REV1: variants seen among roughly 807,000 people sequenced by gnomAD.
REV1 encodes the protein translesion synthesis protein REV1.
REV1 carries 42 observed loss-of-function variants against 137.4 expected under a neutral mutation model. The ratio of observed to expected loss-of-function variants is 0.31; its 90% confidence interval spans 0.24 to 0.40. REV1 has a LOEUF of 0.40. Among genes scored for constraint, REV1 ranks in the 10% least tolerant of loss-of-function variants. The pLI, the probability that REV1 is intolerant of heterozygous loss-of-function variation, is 1.00. For synonymous variants in REV1, 524 were observed against 519.2 expected (o/e 1.01, Z -0.12); for missense variants, 1,282 against 1,490.1 (o/e 0.86, Z 2.30).
chr2:99,401,443 CAAAA>C (rs528664310), intron 22 of REV1, 91 bp from the exon 23 acceptor site: 54 of 568,588 alleles, frequency 9.5e-5, no homozygotes, highest in Non-Finnish European at 1.0e-4. Flanking sequence ...TTGACTTTGG[CAAAA>C]AAAAAAAAAA....
chr2:99,473,492 T>C (rs1171150216), intron 1 of REV1, among the ~76,000 whole-genome samples: 1 of 152,246 alleles, frequency 6.6e-6, no homozygotes, highest in East Asian at 1.9e-4. Flanking sequence ...TAGCGACTGA[T>C]TCTAAACCAA....
chr2:99,428,801 A>G (rs1012312699), intron 9 of REV1, among the ~76,000 whole-genome samples: 2 of 152,026 alleles, frequency 1.3e-5, no homozygotes, highest in Admixed American at 1.3e-4. Flanking sequence ...CATCCTGGCT[A>G]ACACGGTGAA....
intron 13 of REV1, among the ~76,000 whole-genome samples, chr2:99,412,240 A>G (rs1178206321): frequency 6.9e-6 from 1 of 143,946 alleles, no homozygotes; most frequent in Non-Finnish European, 1.5e-5. Context: ...CCTGGGCAAC[A>G]AAGTGAGACT....
chr2:99,410,555 ATG>A, intron 14 of REV1, 138 bp downstream of exon 14: 1 of 724,718 alleles, frequency 1.4e-6, no homozygotes, highest in South Asian at 2.1e-5. Flanking sequence ...CCTTGGGCTG[ATG>A]CCTGCTTCTA....
At chr2:99,474,033 AAAAGG>A (rs1168896308) in intron 1 of REV1, among the ~76,000 whole-genome samples, 4 of 152,238 alleles carry the variant, frequency 2.6e-5, no homozygotes, top group African/African-American at 9.6e-5. Flanking sequence ...CAGAAAACAG[AAAAGG>A]AAAGAATTAC....
Position 99,407,080 on chromosome 2 carries a change from C to CTTTTTTTTTTTTTTTTTTTT in REV1, c.2449-610_2449-591dup, listed in dbSNP as rs869170472. Among the ~76,000 whole-genome samples, 17 of 60,046 alleles carry CTTTTTTTTTTTTTTTTTTTT rather than the reference C, an allele frequency of 2.8e-4. 2 individuals carry two copies. Among genetic ancestry groups the CTTTTTTTTTTTTTTTTTTTT allele is most frequent in the Non-Finnish European group, 3.2e-4 (11 of 34,158 alleles). The allele number at this position is 60,046 out of a possible 152,430, so 39.4% of individuals were successfully genotyped here. On this transcript the variant is annotated intron_variant, in intron 15 of 22. Coordinates refer to ENST00000258428, the MANE Select transcript of REV1 (RefSeq NM_016316.4). ...ACATAAAACTAAACCTACAAAGGTT[C>CTTTTTTTTTTTTTTTTTTTT]TTTTTTTTTTTTTTTTTTTTTTTTT...
intron 12 of REV1, among the ~76,000 whole-genome samples, chr2:99,414,602 T>G (rs1002797856): frequency 6.6e-6 from 1 of 152,394 alleles, no homozygotes; most frequent in Admixed American, 6.5e-5. Flanking sequence ...GTAGACACTT[T>G]GCACAGCTAT....
At chr2:99,484,201 G>A (rs1686911820) in intron 1 of REV1, among the ~76,000 whole-genome samples, 1 of 152,134 alleles carries the variant, frequency 6.6e-6, no homozygotes, top group South Asian at 2.1e-4. Flanking sequence ...AAAGAAGGGA[G>A]CAATAGACAC....
At chr2:99,437,139 C>T (rs1680866362) in intron 6 of REV1, among the ~76,000 whole-genome samples, 1 of 151,760 alleles carries the variant, frequency 6.6e-6, no homozygotes, top group Non-Finnish European at 1.5e-5. Context: ...GCCACCACGC[C>T]CAGCTAATTT....
intron 13 of REV1, among the ~76,000 whole-genome samples, chr2:99,411,394 T>C (rs1284301538): frequency 6.6e-6 from 1 of 150,926 alleles, no homozygotes; most frequent in Non-Finnish European, 1.5e-5. Flanking sequence ...TTTTAAAAGA[T>C]ATTTTTCCTT....
intron 1 of REV1, among the ~76,000 whole-genome samples, chr2:99,485,518 T>C (rs995318126): frequency 2.6e-5 from 4 of 152,202 alleles, no homozygotes; most frequent in Non-Finnish European, 5.9e-5. Context: ...CTTCAAGGAC[T>C]TTCCTGTCTG....
intron 9 of REV1, 66 bp downstream of exon 9, chr2:99,429,774 A>G: frequency 2.0e-6 from 2 of 1,001,862 alleles, no homozygotes; most frequent in Non-Finnish European, 2.9e-6. Context: ...TTATAGTTCA[A>G]GAAATTATAT....
intron 5 of REV1, among the ~76,000 whole-genome samples, chr2:99,441,063 G>GA (rs1250449865): frequency 2.0e-5 from 3 of 151,928 alleles, no homozygotes; most frequent in African/African-American, 7.2e-5. Context: ...AGAAGATTTT[G>GA]AAAAAACATA....
At chr2:99,443,027 G>A (rs773067128) in intron 4 of REV1, among the ~76,000 whole-genome samples, 27 of 152,128 alleles carry the variant, frequency 1.8e-4, no homozygotes, top group Admixed American at 3.9e-4. Context: ...GTGTTCTAAC[G>A]CTAGGTGGTA....
chr2:99,481,661 G>GA (rs70940174), intron 1 of REV1, among the ~76,000 whole-genome samples: 1,992 of 152,012 alleles, frequency 0.013, 25 homozygotes, highest in Admixed American at 0.02. Flanking sequence ...CCAGGAGTCT[G>GA]AAACCAGCCT....
At chr2:99,485,218 C>A (rs994041415) in intron 1 of REV1, among the ~76,000 whole-genome samples, 3 of 152,148 alleles carry the variant, frequency 2.0e-5, no homozygotes, top group African/African-American at 7.2e-5. Flanking sequence ...CAGGCAGAAT[C>A]TTAGTTTATG....
At chr2:99,412,661 A>C in intron 13 of REV1, 70 bp downstream of exon 13, 1 of 1,133,420 alleles carries the variant, frequency 8.8e-7, no homozygotes, top group Non-Finnish European at 1.3e-6. Flanking sequence ...CTAATGGTTT[A>C]GTTGTAGAGG....
At position 99,410,710 on chromosome 2, in the gene REV1, C is replaced by T. The variant is rs769819988; in HGVS notation, c.2330G>A (p.Cys777Tyr). Residue 777 changes from cysteine to tyrosine, a missense_variant, in exon 14 of 23, where the codon TGT becomes TAT. Coordinates refer to ENST00000258428, the MANE Select transcript of REV1 (RefSeq NM_016316.4). ...GTGAGCTTACCTGGCAATGTTATCA[C>T]AAATTCCATGGCCTCCAAATTTTGC... ...ETAKFGGHGI[C>Y]DNIARTVTLD... The T allele has an allele frequency of 6.3e-7, 1 of 1,588,918 alleles. No individual in the cohort carries two copies. Among genetic ancestry groups the T allele is most frequent in the South Asian group, 1.2e-5 (1 of 86,024 alleles).
Position 99,405,952 on chromosome 2 carries a change from C to A in REV1, c.2769G>T (p.Gln923His). Reference sequence around the variant, plus strand: ...CCTCTATACTCAGGTTAAGTCTCGACTGCACACTGACAGGAGTATGTAGAC... The same window carrying A: ...CCTCTATACTCAGGTTAAGTCTCGAATGCACACTGACAGGAGTATGTAGAC... ...WNGLHTPVSV[Q>H]SRLNLSIEVP... Residue 923 changes from glutamine to histidine, a missense_variant, in exon 17 of 23, where the codon CAG becomes CAT. Physicochemically the swap from Gln to His is conservative, Grantham distance 24. Transcript: ENST00000258428. 1 of 1,610,868 alleles carries A rather than the reference C, an allele frequency of 6.2e-7. No individual in the cohort carries two copies. The highest frequency in any genetic ancestry group is 1.1e-5 in the South Asian group (1 of 90,294).
Sources: allele counts gnomAD v4.1 joint callset (sites outside exome capture counted in the v4.1 genomes callset), GRCh38; gene constraint gnomAD v4.1.1; transcripts MANE v1.5; gene names NCBI Gene and HGNC (gene_info 2026-07-23, HGNC 2026-07-21).